CAMK1D: variants seen among roughly 807,000 people sequenced by gnomAD.
CAMK1D encodes calcium/calmodulin dependent protein kinase ID.
CAMK1D carries 9 observed loss-of-function variants against 47.7 expected under a neutral mutation model. That is an observed-to-expected ratio of 0.19 (90% CI 0.11 to 0.33). The LOEUF (loss-of-function observed/expected upper bound fraction) is 0.33, where lower values mean the gene tolerates loss of function less well. Ranked by LOEUF, CAMK1D falls within the 10% of genes least tolerant of loss-of-function variation. The pLI, the probability that CAMK1D is intolerant of heterozygous loss-of-function variation, is 1.00. For missense variants in CAMK1D, 291 were observed against 488.7 expected (o/e 0.60, Z 3.81); for synonymous variants, 184 against 184.9 (o/e 0.99, Z 0.04).
chr10:12,602,291 C>G (rs533263097), intron 2 of CAMK1D, among the ~76,000 whole-genome samples: 132 of 152,272 alleles, frequency 8.7e-4, no homozygotes, highest in East Asian at 3.3e-3. Flanking sequence ...GTCTCAAACT[C>G]CTGGCCTCAA....
intron 3 of CAMK1D, among the ~76,000 whole-genome samples, chr10:12,727,812 G>A (rs1834719596): frequency 6.8e-6 from 1 of 147,502 alleles, no homozygotes; most frequent in Non-Finnish European, 1.5e-5. Flanking sequence ...CACCTAGGCT[G>A]GAGTACAGGG....
At chr10:12,818,379 A>G (rs1164536821) in intron 8 of CAMK1D, among the ~76,000 whole-genome samples, 4 of 152,202 alleles carry the variant, frequency 2.6e-5, no homozygotes, top group African/African-American at 9.7e-5. Flanking sequence ...AGATAAAGAA[A>G]TAGAGAGATG....
intron 3 of CAMK1D, among the ~76,000 whole-genome samples, chr10:12,726,355 C>T (rs1234978227): frequency 2.6e-5 from 4 of 151,878 alleles, no homozygotes; most frequent in African/African-American, 9.7e-5. Flanking sequence ...ACCTGGGAGG[C>T]AGAGGTTGCA....
At chr10:12,446,236 A>G (rs755191073) in intron 1 of CAMK1D, among the ~76,000 whole-genome samples, 1 of 152,198 alleles carries the variant, frequency 6.6e-6, no homozygotes, top group Non-Finnish European at 1.5e-5. Context: ...TGGCTAATCC[A>G]TAGACAGAGC....
chr10:12,732,702 A>G (rs1834951240), intron 3 of CAMK1D, among the ~76,000 whole-genome samples: 1 of 89,418 alleles, frequency 1.1e-5, no homozygotes, highest in Non-Finnish European at 2.1e-5. Flanking sequence ...CCCACAACAC[A>G]TGGGAATTCT....
chr10:12,636,761 T>C (rs905855689), intron 2 of CAMK1D, among the ~76,000 whole-genome samples: 8 of 152,174 alleles, frequency 5.3e-5, no homozygotes, highest in African/African-American at 1.9e-4. Context: ...TTTCTGTTGT[T>C]CCACAGTGAT....
chr10:12,700,051 G>A (rs922686791), intron 3 of CAMK1D, among the ~76,000 whole-genome samples: 6 of 151,784 alleles, frequency 4.0e-5, no homozygotes, highest in Non-Finnish European at 7.4e-5. Context: ...CATTTTCCAC[G>A]AACTTTTTGA....
rs751989472 is a variant in CAMK1D at position 12,816,247 on chromosome 10, C to T, written c.755-3C>T. The T allele has an allele frequency of 4.3e-6, 7 of 1,612,840 alleles. No individual in the cohort carries two copies. The highest frequency in any genetic ancestry group is 1.3e-5 in the African/African-American group (1 of 74,846). Reference sequence around the variant, plus strand: ...CCTTCCCTTGTGCCTTCTTTTTGAACAGCAAAAGACTTCATTCGGAACCTG... The same window carrying T: ...CCTTCCCTTGTGCCTTCTTTTTGAATAGCAAAAGACTTCATTCGGAACCTG... On this transcript the variant is annotated splice_region_variant and splice_polypyrimidine_tract_variant and intron_variant, in intron 7 of 10. Transcript: ENST00000619168.
At chr10:12,527,516 G>C (rs1231828286) in intron 1 of CAMK1D, among the ~76,000 whole-genome samples, 1 of 152,002 alleles carries the variant, frequency 6.6e-6, no homozygotes, top group African/African-American at 2.4e-5. Context: ...CACCACGCCC[G>C]GCTAATTTTT....
In CAMK1D at chr10:12,462,043, G is replaced by C. The variant is rs866334428; in HGVS notation, c.93-91182G>C. ...CCCTTGCGACTCAGCGAAAGAATGA[G>C]TGCGTGCTCCTAAGAGTTTGTGTTC... On this transcript the variant is annotated intron_variant, in intron 1 of 10. Coordinates refer to ENST00000619168, the MANE Select transcript of CAMK1D (RefSeq NM_153498.4). 9.2e-5 allele frequency among the ~76,000 whole-genome samples: 14 copies of C among 152,006 alleles called. No individual in the cohort carries two copies. In the South Asian group the frequency reaches 1.5e-3, roughly 16 times the overall value.
intron 1 of CAMK1D, among the ~76,000 whole-genome samples, chr10:12,541,521 G>A (rs181031928): frequency 2.0e-3 from 300 of 152,146 alleles, no homozygotes; most frequent in Non-Finnish European, 2.7e-3. Context: ...GTGCCACCAC[G>A]CCTGGCTAAT....
chr10:12,773,514 T>G (rs1382650242), intron 5 of CAMK1D, among the ~76,000 whole-genome samples: 1 of 152,248 alleles, frequency 6.6e-6, no homozygotes, highest in Admixed American at 6.5e-5. Flanking sequence ...TTATTTGTAT[T>G]GTTTTTTCAA....
At chr10:12,695,477 C>T (rs950026995) in intron 3 of CAMK1D, among the ~76,000 whole-genome samples, 1 of 152,186 alleles carries the variant, frequency 6.6e-6, no homozygotes, top group African/African-American at 2.4e-5. Context: ...CTCCCTTCTC[C>T]TCCCTGGCCC....
At chr10:12,418,214 C>G (rs982805398) in intron 1 of CAMK1D, among the ~76,000 whole-genome samples, 2 of 152,198 alleles carry the variant, frequency 1.3e-5, no homozygotes, top group Non-Finnish European at 2.9e-5. Context: ...CTCAGTCCAG[C>G]AGGTCAGATG....
chr10:12,708,321 T>C (rs1229309372), intron 3 of CAMK1D, among the ~76,000 whole-genome samples: 2 of 151,234 alleles, frequency 1.3e-5, no homozygotes, highest in Non-Finnish European at 2.9e-5. Flanking sequence ...ATGAAAGAGA[T>C]GGAGTTTGGG....
At position 12,436,572 on chromosome 10, in the gene CAMK1D, A is replaced by G. The variant is rs1832639471; in HGVS notation, c.92+86662A>G. Among the ~76,000 whole-genome samples the G allele has an allele frequency of 5.9e-5, 9 of 152,338 alleles. No individual in the cohort carries two copies. In the South Asian group the frequency reaches 1.9e-3, roughly 32 times the overall value. ...AGGTGATGGTAAAGTCTTTGGGGGC[A>G]GAGGTTCCCCTACCTGGTGGGAAGC... On this transcript the variant is annotated intron_variant, in intron 1 of 10. Coordinates refer to ENST00000619168, the MANE Select transcript of CAMK1D (RefSeq NM_153498.4).
intron 2 of CAMK1D, among the ~76,000 whole-genome samples, chr10:12,602,468 T>C (rs1838331230): frequency 6.6e-6 from 1 of 152,128 alleles, no homozygotes; most frequent in South Asian, 2.1e-4. Context: ...AACAACCTGA[T>C]GAAAGAAAGA....
chr10:12,382,425 G>C (rs1332768810), intron 1 of CAMK1D, among the ~76,000 whole-genome samples: 2 of 151,806 alleles, frequency 1.3e-5, no homozygotes, highest in Non-Finnish European at 2.9e-5. Context: ...AACTTACATA[G>C]GATCTTTCAT....
intron 2 of CAMK1D, among the ~76,000 whole-genome samples, chr10:12,588,094 G>A (rs1446556578): frequency 6.6e-6 from 1 of 152,090 alleles, no homozygotes; most frequent in Non-Finnish European, 1.5e-5. Flanking sequence ...TATTTCCAAG[G>A]GAGCGGAGAA....
Sources: allele counts gnomAD v4.1 joint callset (sites outside exome capture counted in the v4.1 genomes callset), GRCh38; gene constraint gnomAD v4.1.1; transcripts MANE v1.5; gene names NCBI Gene and HGNC (gene_info 2026-07-23, HGNC 2026-07-21).